The following JAKMIP2 variants were observed in gnomAD, a reference collection of about 807,000 sequenced individuals.
JAKMIP2 encodes janus kinase and microtubule interacting protein 2.
JAKMIP2 carries 25 observed loss-of-function variants against 115.0 expected under a neutral mutation model. The observed-to-expected ratio is 0.22, with a 90% CI of 0.16 to 0.30. JAKMIP2 has a LOEUF of 0.30. JAKMIP2 is among the 10% of genes least tolerant of loss of function. The probability of loss-of-function intolerance (pLI) is 1.00; values close to 1 mark genes in which losing one functional copy is unlikely to be tolerated. For synonymous variants in JAKMIP2, 334 were observed against 343.6 expected, an observed-to-expected ratio of 0.97 and a Z score of 0.31; for missense variants, 642 against 957.6, an observed-to-expected ratio of 0.67 and a Z score of 4.35.
chr5:147,641,280 C>A (rs1757867684), intron 8 of JAKMIP2, among the ~76,000 whole-genome samples: 1 of 152,092 alleles, frequency 6.6e-6, no homozygotes, highest in South Asian at 2.1e-4. Flanking sequence ...AATAACAAAA[C>A]TTTGTGGATT....
In JAKMIP2 at chr5:147,650,507, A is replaced by G; in HGVS notation, c.668T>C (p.Leu223Pro). 6.2e-7 allele frequency: 1 copy of G among 1,613,668 alleles called. No homozygotes were observed. The highest frequency in any genetic ancestry group is 8.5e-7 in the Non-Finnish European group (1 of 1,179,786). The change falls in exon 4 of 22, where the codon CTG becomes CCG. Residue 223 changes from leucine (L) to proline (P), a missense_variant. This residue lies in a region of JAKMIP2 where 439 missense variants were observed against 570.9 expected (regional missense o/e 0.77). Coordinates refer to ENST00000616793, the MANE Select transcript of JAKMIP2 (RefSeq NM_001270941.2). The part of the protein sequence containing the change: ...IKAKDRIIFS[L>P]EKELETQTGY... ...TGTCTGGGTCTCCAGTTCCTTTTCC[A>G]GGGAAAAGATGATCCTGTCCTTGGC...
intron 1 of JAKMIP2, among the ~76,000 whole-genome samples, chr5:147,760,594 G>A (rs905715917): frequency 1.3e-5 from 2 of 152,124 alleles, no homozygotes; most frequent in Non-Finnish European, 2.9e-5. Flanking sequence ...AGTATCATTA[G>A]AATGATGACA....
chr5:147,742,982 T>C (rs2278397), intron 1 of JAKMIP2, among the ~76,000 whole-genome samples: 9,933 of 152,276 alleles, frequency 0.065, 643 homozygotes, highest in African/African-American at 0.16. Context: ...TAGAATTCCA[T>C]ACATTTTCCT....
chr5:147,664,560 C>T (rs1358887702), intron 2 of JAKMIP2, among the ~76,000 whole-genome samples: 1 of 152,166 alleles, frequency 6.6e-6, no homozygotes, highest in East Asian at 1.9e-4. Flanking sequence ...TCCTCATGGC[C>T]TGGCTAGAGG....
intron 20 of JAKMIP2, among the ~76,000 whole-genome samples, chr5:147,602,047 G>A (rs2126586280): frequency 6.6e-6 from 1 of 152,162 alleles, no homozygotes; most frequent in East Asian, 1.9e-4. Context: ...CGAACAATTG[G>A]TCTAAGCTCC....
chr5:147,767,274 C>T (rs1755189606), intron 1 of JAKMIP2, among the ~76,000 whole-genome samples: 1 of 152,102 alleles, frequency 6.6e-6, no homozygotes, highest in Non-Finnish European at 1.5e-5. Flanking sequence ...GAAGCATTTA[C>T]TATGACAAAG....
chr5:147,779,935 A>C (rs1365905833), intron 1 of JAKMIP2, among the ~76,000 whole-genome samples: 1 of 152,142 alleles, frequency 6.6e-6, no homozygotes, highest in African/African-American at 2.4e-5. Context: ...GAACTTCTAC[A>C]TTTGCATATT....
chr5:147,744,001 TC>T (rs1324312277), intron 1 of JAKMIP2, among the ~76,000 whole-genome samples: 3 of 33,628 alleles, frequency 8.9e-5, no homozygotes, highest in East Asian at 1.2e-3. Context: ...CTAACTTCTT[TC>T]CTTCCTTCCT....
At chr5:147,716,498 C>T (rs1753003411) in intron 1 of JAKMIP2, among the ~76,000 whole-genome samples, 3 of 151,414 alleles carry the variant, frequency 2.0e-5, no homozygotes, top group East Asian at 3.9e-4. Context: ...ACATCCTCTC[C>T]AGCACCTGCT....
intron 17 of JAKMIP2, 95 bp downstream of exon 17, chr5:147,623,526 C>A: frequency 1.4e-6 from 1 of 693,682 alleles, no homozygotes; most frequent in Non-Finnish European, 2.5e-6. Flanking sequence ...GACAAACTTT[C>A]ATCAGTGCCA....
At chr5:147,631,816 G>A (rs1041928557) in intron 13 of JAKMIP2, among the ~76,000 whole-genome samples, 4 of 152,130 alleles carry the variant, frequency 2.6e-5, no homozygotes, top group African/African-American at 4.8e-5. Context: ...ATATCTCAGC[G>A]TGGTCTTGCC....
chr5:147,592,739 G>A (rs1326154894), intron 21 of JAKMIP2, among the ~76,000 whole-genome samples: 1 of 152,210 alleles, frequency 6.6e-6, no homozygotes, highest in Non-Finnish European at 1.5e-5. Flanking sequence ...TCTGTAGAAA[G>A]ACTTTACTAT....
chr5:147,643,843 C>A (rs901680415), intron 7 of JAKMIP2, among the ~76,000 whole-genome samples: 6 of 152,150 alleles, frequency 3.9e-5, no homozygotes, highest in African/African-American at 1.2e-4. Context: ...ATTATTTGTG[C>A]TACCAAATTA....
rs1405660657 is a variant in JAKMIP2, at chr5:147,618,060, T to C, written c.2197A>G (p.Ile733Val). 4 of 1,614,040 alleles carry C rather than the reference T, an allele frequency of 2.5e-6. No individual in the cohort carries two copies. The change falls in exon 19 of 22, where the codon ATC becomes GTC. Residue 733 changes from isoleucine (I) to valine (V), a missense_variant. Around this residue, in one of 6 missense-constraint regions of JAKMIP2, gnomAD observed 68 missense variants for 104.6 expected, o/e 0.65. Transcript: ENST00000616793. The part of the protein sequence containing the change: ...LYNALQQETV[I>V]KFGELLSEKQ... ...TCACTTAATAATTCACCAAACTTGATAACAGTTTCTTGCTGTAGAGCATTG... is the reference window on the plus strand; with the variant it reads ...TCACTTAATAATTCACCAAACTTGACAACAGTTTCTTGCTGTAGAGCATTG...
intron 19 of JAKMIP2, 80 bp downstream of exon 19, chr5:147,617,831 C>T: frequency 9.0e-7 from 1 of 1,108,910 alleles, no homozygotes; most frequent in Non-Finnish European, 1.4e-6. Context: ...TCTCCGTACC[C>T]ATACTCAATA....
At chr5:147,775,517 A>G (rs2127085468) in intron 1 of JAKMIP2, among the ~76,000 whole-genome samples, 1 of 152,340 alleles carries the variant, frequency 6.6e-6, no homozygotes, top group South Asian at 2.1e-4. Context: ...AAAGAAAATA[A>G]AAAGATCCAC....
intron 3 of JAKMIP2, among the ~76,000 whole-genome samples, chr5:147,655,304 G>C (rs1387479433): frequency 6.6e-6 from 1 of 152,162 alleles, no homozygotes; most frequent in East Asian, 1.9e-4. Context: ...ACCTCTGGTA[G>C]AATTCAGCTA....
Position 147,602,814 on chromosome 5 carries a change from T to C in JAKMIP2, c.2413-1003A>G, listed in dbSNP as rs190742286. On this transcript the variant is annotated intron_variant, in intron 20 of 21. Coordinates refer to ENST00000616793, the MANE Select transcript of JAKMIP2 (RefSeq NM_001270941.2). The stretch of plus-strand genomic sequence containing the variant: ...TGAATAAGGGTTATGTCTGGCATTC[T>C]CATATTGTGAATGTTATTAGCATAT... 2.6e-5 allele frequency among the ~76,000 whole-genome samples: 4 copies of C among 152,340 alleles called. No homozygotes were observed. In the East Asian group the frequency reaches 7.7e-4, roughly 29 times the overall value.
intron 21 of JAKMIP2, among the ~76,000 whole-genome samples, chr5:147,598,466 T>C (rs937182403): frequency 8.3e-6 from 1 of 120,470 alleles, no homozygotes; most frequent in Non-Finnish European, 1.9e-5. Context: ...CTATCATCTA[T>C]CTATGTATCA....
Sources: gnomAD v4.1 joint callset for allele counts (sites outside exome capture counted in the v4.1 genomes callset) on GRCh38, gnomAD v4.1.1 for gene constraint, gnomAD v4.1.1 regional missense constraint, MANE v1.5 for transcripts, NCBI Gene and HGNC (gene_info 2026-07-23, HGNC 2026-07-21) for gene names.